EID2: variants seen among roughly 807,000 people sequenced by gnomAD.
EID2 encodes EP300-interacting inhibitor of differentiation 2.
A neutral mutation model predicts 2.6 loss-of-function variants in EID2; 1 was observed. That is an observed-to-expected ratio of 0.39 (90% CI 0.14 to 1.85). EID2 has a LOEUF of 1.85. Among genes scored for constraint, EID2 ranks in the 40% most tolerant of loss-of-function variants. EID2 has a pLI of 0.32. For missense variants in EID2, 285 were observed against 338.4 expected (o/e 0.84, Z 1.24); for synonymous variants, 126 against 147.2 (o/e 0.86, Z 1.04).
rs531668290 is a variant in EID2, at chr19:39,539,281, G to A, written c.*88C>T. The A allele has an allele frequency of 1.6e-6, 2 of 1,256,274 alleles. No homozygotes were observed. Among genetic ancestry groups the A allele is most frequent in the South Asian group, 2.7e-5 (2 of 72,870 alleles). 77.8% of individuals were successfully genotyped at this position (1,256,274 alleles called of 1,614,324 possible). On this transcript the variant is annotated 3_prime_UTR_variant, in exon 1 of 1. Transcript: ENST00000390658. ...CCCTCCACCTGTGCACTGTCTTATC[G>A]CGATATACTCTTGACTTCTGAAAAT...
rs769953956 is a variant in EID2 at position 39,539,995 on chromosome 19, G to T, written c.85C>A (p.Arg29Ser). 4 of 1,588,566 alleles carry T rather than the reference G, an allele frequency of 2.5e-6. No individual in the cohort carries two copies. Among genetic ancestry groups the T allele is most frequent in the Non-Finnish European group, 3.4e-6 (4 of 1,175,726 alleles). Residue 29 changes from arginine to serine, a missense_variant, in exon 1 of 1, where the codon CGC (arginine) becomes AGC (serine). Arg to Ser is a moderately radical substitution (Grantham distance 110, BLOSUM62 -1). Transcript: ENST00000390658. ...DRDVPQAEVG[R>S]GRREPAPAQP... ...GCCGGGGCCGGCTCCCGCCTCCCGC[G>T]GCCTACCTCCGCCTGCGGGACGTCT...
In EID2 at chr19:39,540,043, T is replaced by G. The variant is rs527811892; in HGVS notation, c.37A>C (p.Thr13Pro). The G allele has an allele frequency of 3.8e-6, 6 of 1,596,986 alleles. No individual in the cohort carries two copies. The African/African-American group carries it at 8.1e-5, about 22-fold the overall frequency. Residue 13 changes from threonine to proline, a missense_variant, in exon 1 of 1, where the codon ACA becomes CCA. Physicochemically the swap from Thr to Pro is conservative, Grantham distance 38 (BLOSUM62 -1). Coordinates refer to ENST00000390658, the MANE Select transcript of EID2 (RefSeq NM_153232.4). ...KLPADSSVPQ[T>P]GAANGDRDVP... Reference sequence around the variant, plus strand: ...TCTCTGTCACCATTCGCCGCGCCTGTCTGCGGGACACTGCTGTCTGCGGGC... The same window carrying G: ...TCTCTGTCACCATTCGCCGCGCCTGGCTGCGGGACACTGCTGTCTGCGGGC...
Position 39,540,096 on chromosome 19 carries a change from A to T in EID2, c.-17T>A. On this transcript the variant is annotated 5_prime_UTR_variant, in exon 1 of 1. Coordinates refer to ENST00000390658, the MANE Select transcript of EID2 (RefSeq NM_153232.4). ...CTTGGACATCTCAGACCGTGGGGTC[A>T]ACTCGGCTGCTCCCAGAGAAACTGG... 1 of 1,595,414 alleles carries T rather than the reference A, an allele frequency of 6.3e-7. No homozygotes were observed. Among genetic ancestry groups the T allele is most frequent in the South Asian group, 1.1e-5 (1 of 90,468 alleles).
Position 39,539,792 on chromosome 19 carries a change from C to A in EID2, c.288G>T (p.Ala96=). ...RAAAAGRESP[A]AAAAREARMA... ...TCCGGGCTTCCCTGGCCGCCGCCGC[C>A]GCCGGGCTTTCCCTGCCCGCCGCGG... The change falls in exon 1 of 1, where the codon GCG becomes GCT. Residue 96 remains alanine, a synonymous_variant. Coordinates refer to ENST00000390658, the MANE Select transcript of EID2 (RefSeq NM_153232.4). 1 of 1,592,244 alleles carries A rather than the reference C, an allele frequency of 6.3e-7. No homozygotes were observed. The highest frequency in any genetic ancestry group is 8.5e-7 in the Non-Finnish European group (1 of 1,175,644).
chr19:39,539,273 G>C lies in EID2; in HGVS notation c.*96C>G. 2.5e-6 allele frequency: 3 copies of C among 1,189,050 alleles called. No homozygotes were observed. The highest frequency in any genetic ancestry group is 3.6e-6 in the Non-Finnish European group (3 of 826,382). The allele number at this position is 1,189,050 out of a possible 1,614,324, so 73.7% of individuals were successfully genotyped here. A position where few individuals can be genotyped will look rare whatever the true frequency, so the allele number is the denominator to read the frequency against. Reference sequence around the variant, plus strand: ...TTTTTTTCCCCTCCACCTGTGCACTGTCTTATCGCGATATACTCTTGACTT... The same window carrying C: ...TTTTTTTCCCCTCCACCTGTGCACTCTCTTATCGCGATATACTCTTGACTT... On this transcript the variant is annotated 3_prime_UTR_variant, in exon 1 of 1. Transcript: ENST00000390658.
rs1972064059 is a variant in EID2, at chr19:39,539,857, T to C, written c.223A>G (p.Arg75Gly). 4 of 1,331,780 alleles carry C rather than the reference T, an allele frequency of 3.0e-6. No individual in the cohort carries two copies. The highest frequency in any genetic ancestry group is 3.8e-6 in the Non-Finnish European group (4 of 1,048,904). 82.5% of individuals were successfully genotyped at this position (1,331,780 alleles called of 1,614,324 possible). A position where few individuals can be genotyped will look rare whatever the true frequency, so the allele number is the denominator to read the frequency against. ...AARAAPAAAA[R>G]GAPVAAAALA... ...GCCGCCGCTGCCACCGGGGCTCCCC[T>C]GGCTGCCGCCGCCGGGGCTGCCCTG... The change falls in exon 1 of 1, where the codon AGG becomes GGG. Residue 75 changes from arginine to glycine, a missense_variant. Coordinates refer to ENST00000390658, the MANE Select transcript of EID2 (RefSeq NM_153232.4).
chr19:39,539,331 G>T lies in EID2; in HGVS notation c.*38C>A. On this transcript the variant is annotated 3_prime_UTR_variant, in exon 1 of 1. Coordinates refer to ENST00000390658, the MANE Select transcript of EID2 (RefSeq NM_153232.4). ...TCAAGTTGCAGGATTGGTATGACTG[G>T]AATGCAGAGGTTCTCTTGAAGTAGT... 6.4e-7 allele frequency: 1 copy of T among 1,564,244 alleles called. No homozygotes were observed. Among genetic ancestry groups the T allele is most frequent in the Non-Finnish European group, 8.8e-7 (1 of 1,138,966 alleles).
rs769521301 is a variant in EID2, at chr19:39,539,450, A to G, written c.630T>C (p.Phe210=). 1 of 1,614,116 alleles carries G rather than the reference A, an allele frequency of 6.2e-7. No individual in the cohort carries two copies. Among genetic ancestry groups the G allele is most frequent in the African/African-American group, 1.3e-5 (1 of 74,944 alleles). ...PHRVDLDILT[F]TIALTASEVI... ...CTTCAGAGGCAGTCAGAGCTATCGT[A>G]AAGGTTAAAATATCGAGGTCCACCC... The change falls in exon 1 of 1, where the codon TTT becomes TTC. Residue 210 remains phenylalanine (F), a synonymous_variant. Coordinates refer to ENST00000390658, the MANE Select transcript of EID2 (RefSeq NM_153232.4).
In EID2 at chr19:39,539,723, C is replaced by T. The variant is rs1473281896; in HGVS notation, c.357G>A (p.Glu119=). 3 of 1,613,252 alleles carry T rather than the reference C, an allele frequency of 1.9e-6. No individual in the cohort carries two copies. In the Admixed American group the frequency reaches 5.0e-5, roughly 27 times the overall value. The change falls in exon 1 of 1, where the codon GAG becomes GAA. Residue 119 remains glutamate, a synonymous_variant. Coordinates refer to ENST00000390658, the MANE Select transcript of EID2 (RefSeq NM_153232.4). The part of the protein sequence containing the change: ...ARLLGEPVDE[E]GPEGRPRSRH... ...TGGACCTGGGCCTGCCCTCGGGACC[C>T]TCTTCGTCCACTGGCTCCCCCAGCA...
rs1011146910 is a variant in EID2, at chr19:39,539,680, G to C, written c.400C>G (p.Leu134Val). The C allele has an allele frequency of 5.6e-6, 9 of 1,614,082 alleles. No individual in the cohort carries two copies. Among genetic ancestry groups the C allele is most frequent in the East Asian group, 4.5e-5 (2 of 44,900 alleles). Reference protein sequence around the residue: ...RPRSRHGNGGLAALPYLRLRH... With the variant: ...RPRSRHGNGGVAALPYLRLRH... The stretch of plus-strand genomic sequence containing the variant: ...AGACGGAGATAGGGCAACGCAGCCA[G>C]GCCTCCGTTCCCGTGTCTGGACCTG... The change falls in exon 1 of 1, where the codon CTG (leucine) becomes GTG (valine). Residue 134 changes from leucine (L) to valine (V), a missense_variant. By Grantham distance (32) the Leu-to-Val change is conservative. Coordinates refer to ENST00000390658, the MANE Select transcript of EID2 (RefSeq NM_153232.4).
In EID2 at chr19:39,539,444, T is replaced by G; in HGVS notation, c.636A>C (p.Ile212=). The G allele has an allele frequency of 2.5e-6, 4 of 1,614,248 alleles. No individual in the cohort carries two copies. Among genetic ancestry groups the G allele is most frequent in the Non-Finnish European group, 3.4e-6 (4 of 1,180,050 alleles). The change falls in exon 1 of 1, where the codon ATA becomes ATC. Residue 212 remains isoleucine, a synonymous_variant. Transcript: ENST00000390658. ...TGATAACTTCAGAGGCAGTCAGAGCTATCGTAAAGGTTAAAATATCGAGGT... is the reference window on the plus strand; with the variant it reads ...TGATAACTTCAGAGGCAGTCAGAGCGATCGTAAAGGTTAAAATATCGAGGT... ...RVDLDILTFT[I]ALTASEVINP... is the part of the protein sequence containing the mutation.
chr19:39,538,879 A>G lies in EID2; in HGVS notation c.*490T>C, dbSNP rs1465144355. The G allele has an allele frequency of 2.0e-5, 3 of 152,388 alleles. No individual in the cohort carries two copies. The highest frequency in any genetic ancestry group is 7.2e-5 in the African/African-American group (3 of 41,460). 9.4% of individuals were successfully genotyped at this position (152,388 alleles called of 1,614,324 possible). A position where few individuals can be genotyped will look rare whatever the true frequency, so the allele number is the denominator to read the frequency against. ...TTGCTTGTCACTTGAAATGCCTAAG[A>G]AAACACAAAATCAATCTTAAACTAG... On this transcript the variant is annotated 3_prime_UTR_variant, in exon 1 of 1. Transcript: ENST00000390658.
At position 39,539,918 on chromosome 19, in the gene EID2, C is replaced by A; in HGVS notation, c.162G>T (p.Pro54=). ...TCCGACCTTCCCTGGCCGCCGGCAC[C>A]GGGCCTCCCCTGGCCGCCGCCATCG... ...EGAMAAARGG[P]VPAAREGRMA... Residue 54 remains proline (P), a synonymous_variant, in exon 1 of 1, where the codon CCG becomes CCT. Coordinates refer to ENST00000390658, the MANE Select transcript of EID2 (RefSeq NM_153232.4). The A allele has an allele frequency of 6.8e-7, 1 of 1,460,582 alleles. No homozygotes were observed. 90.5% of individuals were successfully genotyped at this position (1,460,582 alleles called of 1,614,324 possible). A position where few individuals can be genotyped will look rare whatever the true frequency, so the allele number is the denominator to read the frequency against.
Position 39,539,737 on chromosome 19 carries a change from G to C in EID2, c.343C>G (p.Pro115Ala), listed in dbSNP as rs748066706. ...MAEVARLLGE[P>A]VDEEGPEGRP... ...CCCTCGGGACCCTCTTCGTCCACTG[G>C]CTCCCCCAGCAAGCGGGCGACCTCC... Residue 115 changes from proline to alanine, a missense_variant, in exon 1 of 1, where the codon CCA becomes GCA. By Grantham distance (27) the Pro-to-Ala change is conservative (BLOSUM62 -1). Coordinates refer to ENST00000390658, the MANE Select transcript of EID2 (RefSeq NM_153232.4). 7.3e-5 allele frequency: 117 copies of C among 1,611,590 alleles called. No individual in the cohort carries two copies. The highest frequency in any genetic ancestry group is 9.7e-5 in the Non-Finnish European group (114 of 1,179,632).
In EID2 at chr19:39,539,401, GTTC is replaced by G. The variant is rs748484891; in HGVS notation, c.676_678del (p.Glu226del). 10 of 1,614,086 alleles carry G rather than the reference GTTC, an allele frequency of 6.2e-6. No homozygotes were observed. The highest frequency in any genetic ancestry group is 5.9e-6 in the Non-Finnish European group (7 of 1,179,936). ...CTATTGATAAACTTATCGCAACCAA[GTTC>G]TTCTATCAGAGGGTTGATAACTTCA... is the stretch of plus-strand genomic sequence containing the variant. On this transcript the variant is annotated inframe_deletion, in exon 1 of 1. Transcript: ENST00000390658.
Position 39,539,409 on chromosome 19 carries a change from A to G in EID2, c.671T>C (p.Ile224Thr), listed in dbSNP as rs746509987. ...LTASEVINPL[I>T]EELGCDKFIN... ...AAACTTATCGCAACCAAGTTCTTCT[A>G]TCAGAGGGTTGATAACTTCAGAGGC... is the stretch of plus-strand genomic sequence containing the variant. The change falls in exon 1 of 1, where the codon ATA becomes ACA. Residue 224 changes from isoleucine to threonine, a missense_variant. Transcript: ENST00000390658. The G allele has an allele frequency of 8.1e-6, 13 of 1,614,204 alleles. No individual in the cohort carries two copies. The Admixed American group carries it at 1.8e-4, about 23-fold the overall frequency.
Position 39,539,113 on chromosome 19 carries a change from C to T in EID2, c.*256G>A. 4.8e-6 allele frequency: 2 copies of T among 415,416 alleles called. No individual in the cohort carries two copies. Among genetic ancestry groups the T allele is most frequent in the Non-Finnish European group, 8.7e-6 (2 of 228,996 alleles). 25.7% of individuals were successfully genotyped at this position (415,416 alleles called of 1,614,324 possible). Reference sequence around the variant, plus strand: ...TCCTTTACTTTGTAATAAAGCAATGCTGAGAGACATTTTCCATAATGCAGG... The same window carrying T: ...TCCTTTACTTTGTAATAAAGCAATGTTGAGAGACATTTTCCATAATGCAGG... On this transcript the variant is annotated 3_prime_UTR_variant, in exon 1 of 1. Transcript: ENST00000390658.
chr19:39,539,656 G>A lies in EID2; in HGVS notation c.424C>T (p.Leu142Phe). The A allele has an allele frequency of 6.2e-7, 1 of 1,614,246 alleles. No homozygotes were observed. Among genetic ancestry groups the A allele is most frequent in the Non-Finnish European group, 8.5e-7 (1 of 1,180,038 alleles). The change falls in exon 1 of 1, where the codon CTC (leucine) becomes TTC (phenylalanine). Residue 142 changes from leucine (L) to phenylalanine (F), a missense_variant. Transcript: ENST00000390658. ...GGLAALPYLR[L>F]RHPLSVLGIN... ...CCTAAAACGCTAAGTGGGTGGCGGAGACGGAGATAGGGCAACGCAGCCAGG... is the reference window on the plus strand; with the variant it reads ...CCTAAAACGCTAAGTGGGTGGCGGAAACGGAGATAGGGCAACGCAGCCAGG...
chr19:39,539,621 G>C lies in EID2; in HGVS notation c.459C>G (p.Tyr153Ter). The change falls in exon 1 of 1, where the codon TAC (tyrosine) becomes TAG (stop). Residue 153 changes from tyrosine (Y) to a stop codon, truncating the protein, a stop_gained. Coordinates refer to ENST00000390658, the MANE Select transcript of EID2 (RefSeq NM_153232.4). LOFTEE classifies it low-confidence loss of function (END_TRUNC). ...CCAGATAGTGGCGGAGAAACTGCTG[G>C]TAATTGATGCCTAAAACGCTAAGTG... Reference protein sequence around the residue: ...RHPLSVLGINYQQFLRHYLEN... With the variant: ...RHPLSVLGIN The C allele has an allele frequency of 1.2e-6, 2 of 1,614,256 alleles. No homozygotes were observed. Among genetic ancestry groups the C allele is most frequent in the Non-Finnish European group, 1.7e-6 (2 of 1,180,048 alleles).
Sources: allele counts gnomAD v4.1 joint callset, GRCh38; gene constraint gnomAD v4.1.1; transcripts MANE v1.5; gene names NCBI Gene and HGNC (gene_info 2026-07-23, HGNC 2026-07-21).